The following RTL4 variants were observed in gnomAD, a reference collection of about 807,000 sequenced individuals.
RTL4 encodes retrotransposon Gag-like protein 4.
Under a neutral mutation model 5.3 loss-of-function variants are expected in RTL4, and 4 were observed. That is an observed-to-expected ratio of 0.75 (90% CI 0.37 to 1.72). The LOEUF (loss-of-function observed/expected upper bound fraction) is 1.72. RTL4 is among the 40% of genes most tolerant of loss of function. The pLI, the probability that RTL4 is intolerant of heterozygous loss-of-function variation, is 0.04. For missense variants in RTL4, 260 were observed against 227.1 expected (o/e 1.14, Z -0.93); for synonymous variants, 98 against 87.3 (o/e 1.12, Z -0.68).
At chrX:112,083,914 A>C in the RTL4 span, among the ~76,000 whole-genome samples, 313 of 109,794 alleles carry the variant, frequency 2.9e-3, 3 homozygotes, top group African/African-American at 9.7e-3. Context: ...GCACAGCCCC[A>C]AATATTGGCT....
At chrX:112,323,461 AATTTT>A in the RTL4 span, among the ~76,000 whole-genome samples, 384 of 109,959 alleles carry the variant, frequency 3.5e-3, 2 homozygotes, top group African/African-American at 0.012. Context: ...AGAAGTTTTG[AATTTT>A]ATTTTATTTT....
chrX:112,400,103 A>G, the RTL4 span, among the ~76,000 whole-genome samples: 3 of 110,955 alleles, frequency 2.7e-5, no homozygotes, highest in Non-Finnish European at 3.8e-5. Context: ...AGCTTCTTAT[A>G]TCTACTGATT....
the RTL4 span, among the ~76,000 whole-genome samples, chrX:112,265,376 A>C: frequency 8.9e-6 from 1 of 112,054 alleles, no homozygotes; most frequent in South Asian, 3.8e-4. Flanking sequence ...GCCTTGATTC[A>C]GAAGAAGACA....
chrX:112,441,683 A>G, the RTL4 span, among the ~76,000 whole-genome samples: 2 of 112,260 alleles, frequency 1.8e-5, no homozygotes, highest in Admixed American at 9.5e-5. Context: ...TATCTAAACA[A>G]AGATAAATGA....
chrX:112,310,672 ATTATATATTATATAT>A, the RTL4 span, among the ~76,000 whole-genome samples: 2 of 66,437 alleles, frequency 3.0e-5, no homozygotes, highest in Admixed American at 2.7e-4. Context: ...ATATTTATGT[ATTATATATTATATAT>A]TTATATATTA....
chrX:112,356,456 G>T, the RTL4 span, among the ~76,000 whole-genome samples: 1 of 111,279 alleles, frequency 9.0e-6, no homozygotes, highest in South Asian at 3.8e-4. Context: ...CACAAAAAAC[G>T]ATTGTAATTA....
chrX:112,418,746 A>T, the RTL4 span, among the ~76,000 whole-genome samples: 34 of 110,143 alleles, frequency 3.1e-4, no homozygotes, highest in African/African-American at 1.1e-3. Flanking sequence ...GAAGGAAAAA[A>T]TTAGCATGCA....
At chrX:112,325,319 T>C in the RTL4 span, among the ~76,000 whole-genome samples, 3 of 111,041 alleles carry the variant, frequency 2.7e-5, no homozygotes, top group Non-Finnish European at 3.8e-5. Flanking sequence ...TCATATGGAA[T>C]CAAAAAAGAG....
At chrX:112,369,664 A>G in the RTL4 span, among the ~76,000 whole-genome samples, 5 of 112,227 alleles carry the variant, frequency 4.5e-5, no homozygotes, top group African/African-American at 1.6e-4. Context: ...TACAGTGCCC[A>G]CTACGTGGAA....
At chrX:112,313,453 T>C in the RTL4 span, among the ~76,000 whole-genome samples, 1 of 111,294 alleles carries the variant, frequency 9.0e-6, no homozygotes, top group African/African-American at 3.3e-5. Flanking sequence ...CAGTGGGTGC[T>C]GTTATCTCCA....
the RTL4 span, among the ~76,000 whole-genome samples, chrX:112,109,848 AC>A: frequency 1.8e-5 from 2 of 111,561 alleles, no homozygotes; most frequent in African/African-American, 6.5e-5. Flanking sequence ...AAGGGGCCCT[AC>A]AGTTGTAATG....
chrX:112,382,149 A>C, the RTL4 span: 8 of 1,208,331 alleles, frequency 6.6e-6, no homozygotes, highest in African/African-American at 1.2e-4. Context: ...AGTCATAATC[A>C]GTGCCTAAAT....
chrX:112,222,809 T>C, the RTL4 span, among the ~76,000 whole-genome samples: 1 of 112,446 alleles, frequency 8.9e-6, no homozygotes, highest in African/African-American at 3.2e-5. Context: ...GCTGATGCCA[T>C]GTAGTTGGCA....
the RTL4 span, among the ~76,000 whole-genome samples, chrX:112,385,363 T>C: frequency 2.0e-5 from 2 of 99,807 alleles, no homozygotes. Context: ...AAATTAATTA[T>C]TGAATAAGGT....
chrX:112,406,544 C>T, the RTL4 span, among the ~76,000 whole-genome samples: 5,600 of 111,076 alleles, frequency 0.05, 136 homozygotes, highest in African/African-American at 0.079. Flanking sequence ...AATCCAGTCA[C>T]CTCCCACCAT....
At chrX:112,398,744 A>G in the RTL4 span, among the ~76,000 whole-genome samples, 1 of 111,478 alleles carries the variant, frequency 9.0e-6, no homozygotes, top group Non-Finnish European at 1.9e-5. Flanking sequence ...TTTTGTTTCT[A>G]TCTTCATGAA....
the RTL4 span, among the ~76,000 whole-genome samples, chrX:112,235,872 C>T: frequency 1.1e-4 from 12 of 111,468 alleles, no homozygotes; most frequent in South Asian, 4.6e-3. Flanking sequence ...GAAATCTCAG[C>T]TCCCAAGAAT....
At chrX:112,218,729 T>A in the RTL4 span, among the ~76,000 whole-genome samples, 1 of 111,484 alleles carries the variant, frequency 9.0e-6, no homozygotes, top group Non-Finnish European at 1.9e-5. Flanking sequence ...TATTCTGTTG[T>A]GTTCTGTTAG....
the RTL4 span, among the ~76,000 whole-genome samples, chrX:112,329,231 G>T: frequency 4.0e-4 from 44 of 110,940 alleles, no homozygotes; most frequent in East Asian, 8.8e-3. Context: ...CTGGTTTTTT[G>T]AAAGGATCAA....
Sources: allele counts gnomAD v4.1 joint callset (sites outside exome capture counted in the v4.1 genomes callset), GRCh38; gene constraint gnomAD v4.1.1; transcripts MANE v1.5; gene names NCBI Gene and HGNC (gene_info 2026-07-23, HGNC 2026-07-21).